The following DNAH12 variants were observed in gnomAD, a reference collection of about 807,000 sequenced individuals.
The protein encoded by DNAH12 is dynein axonemal heavy chain 12.
DNAH12 carries 285 observed loss-of-function variants against 371.5 expected under a neutral mutation model. The ratio of observed to expected loss-of-function variants is 0.77; its 90% CI spans 0.70 to 0.85. The LOEUF (loss-of-function observed/expected upper bound fraction) is 0.85. Among genes scored for constraint, DNAH12 ranks in the 40% least tolerant of loss-of-function variants. The pLI is 0.00. For synonymous variants in DNAH12, 1,200 were observed against 1,213.0 expected (o/e 0.99, Z 0.22); for missense variants, 3,611 against 3,689.4 (o/e 0.98, Z 0.55).
intron 70 of DNAH12, among the ~76,000 whole-genome samples, chr3:57,298,626 G>A (rs1433240189): frequency 6.6e-6 from 1 of 152,204 alleles, no homozygotes; most frequent in Admixed American, 6.5e-5. Context: ...TATCCCATAA[G>A]CTACATAGTG....
At chr3:57,537,139 A>G (rs970065302) in intron 2 of DNAH12, among the ~76,000 whole-genome samples, 2 of 152,196 alleles carry the variant, frequency 1.3e-5, no homozygotes, top group Admixed American at 6.5e-5. Context: ...GGTTGCAGTG[A>G]ACAGAGATCG....
At chr3:57,525,699 A>G in intron 2 of DNAH12, among the ~76,000 whole-genome samples, 1 of 150,778 alleles carries the variant, frequency 6.6e-6, no homozygotes, top group Non-Finnish European at 1.5e-5. Flanking sequence ...TAAAATGTAC[A>G]ATTAAATTAT....
chr3:57,432,877 G>A (rs1473336782), intron 32 of DNAH12, among the ~76,000 whole-genome samples: 2 of 152,124 alleles, frequency 1.3e-5, no homozygotes, highest in African/African-American at 4.8e-5. Context: ...ATCTACACTT[G>A]AAATTGGTAT....
intron 55 of DNAH12, among the ~76,000 whole-genome samples, chr3:57,374,604 T>C (rs1436294247): frequency 1.3e-5 from 2 of 152,114 alleles, no homozygotes; most frequent in African/African-American, 4.8e-5. Context: ...TAGCAATACC[T>C]AGTTAAAACA....
At position 57,293,975 on chromosome 3, in the gene DNAH12, G is replaced by GA. The variant is rs756488105; in HGVS notation, c.11693-5dup. 0.028 allele frequency: 26,001 copies of GA among 918,958 alleles called. 2 individuals carry two copies. The highest frequency in any genetic ancestry group is 0.043 in the South Asian group (1,605 of 37,384). The allele number at this position is 918,958 out of a possible 1,614,324, so 56.9% of individuals were successfully genotyped here. ...TTTATAATCCGAGATTTTTGAGCTT[G>GA]AAAAAAAAAAAGAAATATATTCACT... On this transcript the variant is annotated splice_region_variant and splice_polypyrimidine_tract_variant and intron_variant, in intron 73 of 73. Transcript: ENST00000495027.
At chr3:57,416,955 TAA>T (rs2153358393) in intron 37 of DNAH12, among the ~76,000 whole-genome samples, 1 of 152,114 alleles carries the variant, frequency 6.6e-6, no homozygotes, top group East Asian at 1.9e-4. Context: ...ACACAATACA[TAA>T]AGACAAACAC....
chr3:57,389,822 G>GTATATATATATATATATATATATA (rs1191113593), intron 45 of DNAH12, among the ~76,000 whole-genome samples: 1 of 45,816 alleles, frequency 2.2e-5, no homozygotes. Flanking sequence ...GTGTGTGTGT[G>GTATATATATATATATATATATATA]TATATATATA....
Position 57,523,587 on chromosome 3 carries a change from T to C in DNAH12, c.275A>G (p.Lys92Arg). The C allele has an allele frequency of 2.5e-6, 4 of 1,578,142 alleles. No homozygotes were observed. Among genetic ancestry groups the C allele is most frequent in the Non-Finnish European group, 3.4e-6 (4 of 1,163,260 alleles). ...PQTMTSEMKK[K>R]GFNYIYMKQC... The stretch of plus-strand genomic sequence containing the variant: ...AATATAAAAACTTGAACTCACTCCT[T>C]TTTTTTTCATTTCACTGGTCATCTG... Residue 92 changes from lysine to arginine, a missense_variant, in exon 4 of 74, where the codon AAA becomes AGA. Around this residue, in one of 3 missense-constraint regions of DNAH12, gnomAD observed 1,314 missense variants for 1,398.7 expected, o/e 0.94. Coordinates refer to ENST00000495027, the MANE Select transcript of DNAH12 (RefSeq NM_001366028.2).
intron 38 of DNAH12, 115 bp from the exon 39 acceptor site, chr3:57,414,027 AT>A: frequency 2.0e-6 from 2 of 997,972 alleles, no homozygotes; most frequent in Non-Finnish European, 1.4e-6. Flanking sequence ...AATCCATGGG[AT>A]TTTTACCAGT....
chr3:57,446,481 T>C (rs1471382820), intron 26 of DNAH12, 56 bp downstream of exon 26: 2 of 1,483,300 alleles, frequency 1.3e-6, no homozygotes, highest in Non-Finnish European at 9.0e-7. Flanking sequence ...TTTATCCAAT[T>C]AGACCTAGCT....
Position 57,452,774 on chromosome 3 carries a change from G to C in DNAH12, c.3786+69C>G, listed in dbSNP as rs967553075. The C allele has an allele frequency of 6.5e-6, 9 of 1,388,602 alleles. No homozygotes were observed. The African/African-American group carries it at 1.3e-4, about 20-fold the overall frequency. The allele number at this position is 1,388,602 out of a possible 1,614,324, so 86.0% of individuals were successfully genotyped here. On this transcript the variant is annotated intron_variant, in intron 25 of 73. Coordinates refer to ENST00000495027, the MANE Select transcript of DNAH12 (RefSeq NM_001366028.2). Reference sequence around the variant, plus strand: ...TATTCAACTACTCCAGGTAAGACAAGAGAGAAAAGATGACGCTACAGCAAA... The same window carrying C: ...TATTCAACTACTCCAGGTAAGACAACAGAGAAAAGATGACGCTACAGCAAA...
chr3:57,417,411 CAG>C (rs1412089995), intron 37 of DNAH12, among the ~76,000 whole-genome samples: 2 of 152,110 alleles, frequency 1.3e-5, no homozygotes, highest in Non-Finnish European at 2.9e-5. Context: ...CTTTTAGAAA[CAG>C]AGTGACCCCT....
rs527827646 is a variant in DNAH12 at position 57,513,790 on chromosome 3, T to A, written c.280-2811A>T. 1.7e-4 allele frequency among the ~76,000 whole-genome samples: 26 copies of A among 152,302 alleles called. No homozygotes were observed. In the South Asian group the frequency reaches 5.4e-3, roughly 32 times the overall value. On this transcript the variant is annotated intron_variant, in intron 4 of 73. Transcript: ENST00000495027. Reference sequence around the variant, plus strand: ...TATCAGATTGACAAAAATTTTTTTTTAAATATGACCCCCACATTCTTTTGT... The same window carrying A: ...TATCAGATTGACAAAAATTTTTTTTAAAATATGACCCCCACATTCTTTTGT...
chr3:57,443,944 C>G (rs1349329864), intron 29 of DNAH12, among the ~76,000 whole-genome samples: 1 of 152,126 alleles, frequency 6.6e-6, no homozygotes, highest in Non-Finnish European at 1.5e-5. Flanking sequence ...TGGCTCACAC[C>G]TGTGATCCCA....
At chr3:57,413,610 G>A in intron 39 of DNAH12, 136 bp downstream of exon 39, 1 of 930,828 alleles carries the variant, frequency 1.1e-6, no homozygotes, top group South Asian at 1.9e-5. Context: ...ATATATTAGA[G>A]AGGCTTCATG....
At chr3:57,295,083 T>C (rs2061205749) in intron 73 of DNAH12, among the ~76,000 whole-genome samples, 1 of 152,194 alleles carries the variant, frequency 6.6e-6, no homozygotes, top group Non-Finnish European at 1.5e-5. Flanking sequence ...CCCATGTGGC[T>C]AGCAACATCT....
chr3:57,481,511 A>G (rs2066741247), intron 13 of DNAH12, among the ~76,000 whole-genome samples: 2 of 152,092 alleles, frequency 1.3e-5, no homozygotes, highest in African/African-American at 4.8e-5. Context: ...TAATTTATAG[A>G]TTCAATGCCA....
rs1268603065 is a variant in DNAH12, at chr3:57,453,379, G to A, written c.3481C>T (p.Leu1161Phe). ...TEGLKKYYKE[L>F]QNQLNEIVEL... ...ACAATCTCATTCAGTTGGTTCTGAA[G>A]TTCCTTATAATACTTCTTTAATCCC... The change falls in exon 24 of 74, where the codon CTT becomes TTT. Residue 1161 changes from leucine (L) to phenylalanine (F), a missense_variant. This residue lies in a region of DNAH12 where 1,314 missense variants were observed against 1,398.7 expected (regional missense o/e 0.94). Coordinates refer to ENST00000495027, the MANE Select transcript of DNAH12 (RefSeq NM_001366028.2). 2 of 1,547,412 alleles carry A rather than the reference G, an allele frequency of 1.3e-6. No individual in the cohort carries two copies. Among genetic ancestry groups the A allele is most frequent in the East Asian group, 4.9e-5 (2 of 40,810 alleles).
intron 60 of DNAH12, among the ~76,000 whole-genome samples, chr3:57,350,477 T>C (rs935176354): frequency 6.6e-6 from 1 of 152,142 alleles, no homozygotes; most frequent in Non-Finnish European, 1.5e-5. Context: ...GAGAGCTGCA[T>C]GGTAAAAATG....
Sources: allele counts gnomAD v4.1 joint callset (sites outside exome capture counted in the v4.1 genomes callset), GRCh38; gene constraint gnomAD v4.1.1; regional missense constraint gnomAD v4.1.1; transcripts MANE v1.5; gene names NCBI Gene and HGNC (gene_info 2026-07-23, HGNC 2026-07-21).